Variants in MYO10 observed in about 807,000 individuals in gnomAD.
MYO10 encodes myosin X, also known as unconventional myosin-X.
In MYO10, 133 loss-of-function variants were observed where a neutral mutation model predicts 257.3. The ratio of observed to expected loss-of-function variants is 0.52; its 90% CI spans 0.45 to 0.60. The LOEUF (loss-of-function observed/expected upper bound fraction) is 0.60, where lower values mean the gene tolerates loss of function less well. MYO10 is among the 20% of genes least tolerant of loss of function. The pLI is 0.00. For missense variants in MYO10, 2,399 were observed against 2,635.7 expected (o/e 0.91, Z 1.97); for synonymous variants, 1,104 against 1,028.6 (o/e 1.07, Z -1.40).
At chr5:16,805,588 G>C (rs1742253660) in intron 3 of MYO10, among the ~76,000 whole-genome samples, 1 of 152,126 alleles carries the variant, frequency 6.6e-6, no homozygotes, top group African/African-American at 2.4e-5. Context: ...AAACGGCCAT[G>C]ATGATGCCAT....
intron 9 of MYO10, among the ~76,000 whole-genome samples, chr5:16,779,149 A>T (rs25907): frequency 0.96 from 145,535 of 152,280 alleles, 69,809 homozygotes; most frequent in African/African-American, 0.99. Context: ...CAGATTTGTT[A>T]TTAGCTATAG....
At chr5:16,707,349 T>C (rs566687674) in intron 21 of MYO10, among the ~76,000 whole-genome samples, 23 of 152,188 alleles carry the variant, frequency 1.5e-4, no homozygotes, top group Non-Finnish European at 2.8e-4. Context: ...CAAGACCAAG[T>C]TGGCACAACC....
Position 16,694,447 on chromosome 5 carries a change from G to A in MYO10, c.3724C>T (p.Arg1242Cys), listed in dbSNP as rs779299879. 11 of 1,614,006 alleles carry A rather than the reference G, an allele frequency of 6.8e-6. No homozygotes were observed. Among genetic ancestry groups the A allele is most frequent in the East Asian group, 4.5e-5 (2 of 44,868 alleles). ...TCAAAGTACATCAGCTTGGACTGGC[G>A]GAGGACAAACCAGCGCTTCTTCCAA... ...RNWKKRWFVL[R>C]QSKLMYFEND... Residue 1242 changes from arginine (R) to cysteine (C), a missense_variant, in exon 27 of 41, where the codon CGC (arginine) becomes TGC (cysteine). Physicochemically the swap from Arg to Cys is radical, Grantham distance 180. Transcript: ENST00000513610.
Position 16,834,444 on chromosome 5 carries a change from C to T in MYO10, c.121-16277G>A, listed in dbSNP as rs556804925. Among the ~76,000 whole-genome samples, 3 of 152,248 alleles carry T rather than the reference C, an allele frequency of 2.0e-5. No individual in the cohort carries two copies. The South Asian group carries it at 6.2e-4, about 32-fold the overall frequency. On this transcript the variant is annotated intron_variant, in intron 2 of 40. Coordinates refer to ENST00000513610, the MANE Select transcript of MYO10 (RefSeq NM_012334.3). ...AGGGGGTGCTGAGGACCCCCTCTCA[C>T]CACCCTCGTATGGATCAATCTGTGG...
At chr5:16,755,769 C>G (rs1300831263) in intron 18 of MYO10, among the ~76,000 whole-genome samples, 3 of 139,270 alleles carry the variant, frequency 2.2e-5, no homozygotes, top group Non-Finnish European at 4.6e-5. Flanking sequence ...CCAAAGCAGA[C>G]AAAAGCATAC....
chr5:16,668,883 G>A (rs555379111), intron 39 of MYO10, among the ~76,000 whole-genome samples: 9 of 152,252 alleles, frequency 5.9e-5, no homozygotes, highest in Admixed American at 5.9e-4. Flanking sequence ...CCTCTTTGCG[G>A]ATGGTTAGTC....
At chr5:16,733,524 G>T (rs1359851162) in intron 19 of MYO10, among the ~76,000 whole-genome samples, 2 of 152,064 alleles carry the variant, frequency 1.3e-5, no homozygotes, top group Non-Finnish European at 2.9e-5. Context: ...GTAATTTATT[G>T]GCAAGTCCTC....
chr5:16,780,513 G>A lies in MYO10; in HGVS notation c.826+11C>T, dbSNP rs781173853. 9.0e-6 allele frequency: 14 copies of A among 1,560,640 alleles called. No homozygotes were observed. Among genetic ancestry groups the A allele is most frequent in the Admixed American group, 1.9e-5 (1 of 53,222 alleles). On this transcript the variant is annotated intron_variant, in intron 8 of 40. Transcript: ENST00000513610. Reference sequence around the variant, plus strand: ...TGCTAGTCCACATTATCCAGCTGTCGTCCCACTCACCTCTTTCTTCATGTT... The same window carrying A: ...TGCTAGTCCACATTATCCAGCTGTCATCCCACTCACCTCTTTCTTCATGTT...
chr5:16,826,484 T>C (rs6862579), intron 2 of MYO10, among the ~76,000 whole-genome samples: 81,088 of 152,094 alleles, frequency 0.53, 21,902 homozygotes, highest in Middle Eastern at 0.6. Context: ...ACACAGAGCA[T>C]TCTATGAGGA....
At position 16,781,786 on chromosome 5, in the gene MYO10, T is replaced by C. The variant is rs758010149; in HGVS notation, c.646A>G (p.Asn216Asp). The part of the protein sequence containing the change: ...AFGNAKTVYN[N>D]NSSRFGKFVQ... The stretch of plus-strand genomic sequence containing the variant: ...AACTTCCCAAAGCGACTAGAGTTGT[T>C]GTTGTACACGGTCTTCGCATTGCCG... The change falls in exon 6 of 41, where the codon AAC becomes GAC. Residue 216 changes from asparagine to aspartate, a missense_variant. Coordinates refer to ENST00000513610, the MANE Select transcript of MYO10 (RefSeq NM_012334.3). 5 of 1,613,840 alleles carry C rather than the reference T, an allele frequency of 3.1e-6. No individual in the cohort carries two copies. Among genetic ancestry groups the C allele is most frequent in the East Asian group, 4.5e-5 (2 of 44,886 alleles).
Position 16,866,342 on chromosome 5 carries a change from T to C in MYO10, c.120+11267A>G, listed in dbSNP as rs906078453. On this transcript the variant is annotated intron_variant, in intron 2 of 40. Coordinates refer to ENST00000513610, the MANE Select transcript of MYO10 (RefSeq NM_012334.3). The stretch of plus-strand genomic sequence containing the variant: ...ACATTTGTATTTTGTTGAGCCATAC[T>C]GTCATCAGACAGAAGAGTCACCAGA... Among the ~76,000 whole-genome samples, 10 of 152,200 alleles carry C rather than the reference T, an allele frequency of 6.6e-5. No individual in the cohort carries two copies. In the East Asian group the frequency reaches 1.9e-3, roughly 29 times the overall value.
intron 3 of MYO10, among the ~76,000 whole-genome samples, chr5:16,801,619 A>G (rs1318851566): frequency 6.6e-6 from 1 of 152,198 alleles, no homozygotes; most frequent in African/African-American, 2.4e-5. Context: ...TCTGAAAAGA[A>G]AAAATTCATA....
chr5:16,816,373 TTTTTAACTGAGGAAAA>T (rs1184943458), intron 3 of MYO10, among the ~76,000 whole-genome samples: 1 of 151,252 alleles, frequency 6.6e-6, no homozygotes, highest in African/African-American at 2.4e-5. Context: ...ACTCTTTTTT[TTTTTAACTGAGGAAAA>T]TTTAGCAGTT....
chr5:16,694,685 T>C, intron 26 of MYO10, 71 bp from the exon 27 acceptor site: 17 of 1,576,388 alleles, frequency 1.1e-5, no homozygotes, highest in South Asian at 4.5e-5. Context: ...ACAACATGCA[T>C]AGCAGGTGTT....
chr5:16,818,011 A>G lies in MYO10; in HGVS notation c.277T>C (p.Tyr93His). The G allele has an allele frequency of 1.3e-6, 2 of 1,547,008 alleles. No individual in the cohort carries two copies. Among genetic ancestry groups the G allele is most frequent in the South Asian group, 1.2e-5 (1 of 82,072 alleles). The change falls in exon 3 of 41, where the codon TAT becomes CAT. Residue 93 changes from tyrosine (Y) to histidine (H), a missense_variant and splice_region_variant. Tyr to His is a moderately conservative substitution (Grantham distance 83, BLOSUM62 2). Around this residue, in one of 3 missense-constraint regions of MYO10, gnomAD observed 242 missense variants for 249.5 expected, o/e 0.97. Transcript: ENST00000513610. ...LFQRYKRNQI[Y>H]TYIGSILASV... ...AAGGAATTACAAGTGGAACTTACAT[A>G]TATTTGATTTCTCTTATACCGCTGG...
chr5:16,670,504 A>G (rs1177168078), intron 39 of MYO10, 22 bp downstream of exon 39: 4 of 1,576,896 alleles, frequency 2.5e-6, no homozygotes, highest in Non-Finnish European at 3.5e-6. Context: ...GCCCACCCCA[A>G]CACACGGCAG....
At chr5:16,767,943 G>T (rs1740927936) in intron 10 of MYO10, among the ~76,000 whole-genome samples, 1 of 152,012 alleles carries the variant, frequency 6.6e-6, no homozygotes, top group African/African-American at 2.4e-5. Context: ...CTCCCAAAGT[G>T]CTAGGATTAC....
intron 1 of MYO10, among the ~76,000 whole-genome samples, chr5:16,933,860 A>C (rs1453292347): frequency 3.3e-5 from 5 of 152,346 alleles, no homozygotes; most frequent in African/African-American, 1.2e-4. Flanking sequence ...ATTGTAATAC[A>C]CATACATCAC....
At chr5:16,881,486 C>G (rs1744753600) in intron 1 of MYO10, among the ~76,000 whole-genome samples, 1 of 152,194 alleles carries the variant, frequency 6.6e-6, no homozygotes, top group Non-Finnish European at 1.5e-5. Context: ...TGCTGATAAG[C>G]AACTTTTACA....
Sources: gnomAD v4.1 joint callset for allele counts (sites outside exome capture counted in the v4.1 genomes callset) on GRCh38, gnomAD v4.1.1 for gene constraint, gnomAD v4.1.1 regional missense constraint, MANE v1.5 for transcripts, NCBI Gene and HGNC (gene_info 2026-07-23, HGNC 2026-07-21) for gene names.